The following TBC1D5 variants were observed in gnomAD, a reference collection of about 807,000 sequenced individuals.
The protein encoded by TBC1D5 is TBC1 domain family, member 5.
Under a neutral mutation model 100.3 loss-of-function variants are expected in TBC1D5, and 75 were observed. That is an observed-to-expected ratio of 0.75 (90% CI 0.62 to 0.91). TBC1D5 has a LOEUF of 0.91. Among genes scored for constraint, TBC1D5 ranks in the 40% least tolerant of loss-of-function variants. TBC1D5 has a pLI of 0.00. For missense variants in TBC1D5, 910 were observed against 942.4 expected (o/e 0.97, Z 0.45); for synonymous variants, 323 against 325.6 (o/e 0.99, Z 0.09).
intron 13 of TBC1D5, among the ~76,000 whole-genome samples, chr3:17,354,476 T>C (rs2090999498): frequency 6.6e-6 from 1 of 152,084 alleles, no homozygotes. Context: ...CAAATAAAGA[T>C]GTCAGCTATT....
chr3:17,337,937 C>T (rs2151321463), intron 13 of TBC1D5, among the ~76,000 whole-genome samples: 1 of 152,242 alleles, frequency 6.6e-6, no homozygotes, highest in East Asian at 1.9e-4. Flanking sequence ...ATTAAGCTGA[C>T]TAAATGAAAT....
At chr3:17,446,027 T>C (rs911142399) in intron 3 of TBC1D5, among the ~76,000 whole-genome samples, 2 of 152,170 alleles carry the variant, frequency 1.3e-5, no homozygotes, top group Non-Finnish European at 2.9e-5. Context: ...GTCATTGTAT[T>C]TTGGGTCTTA....
intron 13 of TBC1D5, among the ~76,000 whole-genome samples, chr3:17,351,347 T>G (rs918960026): frequency 6.6e-6 from 1 of 152,112 alleles, no homozygotes; most frequent in Admixed American, 6.6e-5. Flanking sequence ...CCTTCAATGT[T>G]AGACTGGATA....
chr3:17,547,684 T>C (rs2096432068), intron 2 of TBC1D5, among the ~76,000 whole-genome samples: 1 of 152,196 alleles, frequency 6.6e-6, no homozygotes, highest in Non-Finnish European at 1.5e-5. Flanking sequence ...AATGGTAGCA[T>C]GATGTGATGA....
At position 17,601,327 on chromosome 3, in the gene TBC1D5, A is replaced by C. The variant is rs575704714; in HGVS notation, c.-36+22522T>G. 1.1e-3 allele frequency among the ~76,000 whole-genome samples: 162 copies of C among 152,234 alleles called. 1 individual carries two copies. The highest frequency in any genetic ancestry group is 3.8e-3 in the African/African-American group (157 of 41,548). On this transcript the variant is annotated intron_variant, in intron 2 of 21. Coordinates refer to ENST00000253692, the Ensembl canonical transcript of TBC1D5. ...GGAGTTCATGACCAGCCTGACCAAC[A>C]TGGGGAAACCCCGTCTCTACTAAAA...
upstream of TBC1D5, among the ~76,000 whole-genome samples, chr3:17,741,130 A>G (rs1285314444): frequency 3.3e-5 from 5 of 152,208 alleles, no homozygotes; most frequent in Non-Finnish European, 2.9e-5. Flanking sequence ...TTGCTACTCA[A>G]AGATAGTCCC....
At chr3:17,555,181 A>T (rs1255924981) in intron 2 of TBC1D5, among the ~76,000 whole-genome samples, 1 of 152,068 alleles carries the variant, frequency 6.6e-6, no homozygotes, top group Non-Finnish European at 1.5e-5. Context: ...CAAGTTGACA[A>T]TGAATTTATT....
intron 1 of TBC1D5, among the ~76,000 whole-genome samples, chr3:17,696,816 G>A (rs959132600): frequency 6.6e-6 from 1 of 152,108 alleles, no homozygotes; most frequent in Non-Finnish European, 1.5e-5. Flanking sequence ...AAGAATTTTA[G>A]ACCAATATCT....
chr3:17,304,168 A>G (rs1350786866), intron 14 of TBC1D5, among the ~76,000 whole-genome samples: 2 of 152,118 alleles, frequency 1.3e-5, no homozygotes, highest in African/African-American at 4.8e-5. Flanking sequence ...ACAGGACTCC[A>G]GACCCAGTTC....
intron 19 of TBC1D5, among the ~76,000 whole-genome samples, chr3:17,181,679 T>C (rs2068470153): frequency 6.6e-6 from 1 of 152,184 alleles, no homozygotes; most frequent in African/African-American, 2.4e-5. Context: ...CCAGTGCTAG[T>C]TACATGCACT....
intron 17 of TBC1D5, among the ~76,000 whole-genome samples, chr3:17,227,239 T>C (rs2074987599): frequency 6.6e-6 from 1 of 152,054 alleles, no homozygotes. Context: ...TCGTGGTGGG[T>C]CAGGGAGGGT....
exon 1 of TBC1D5, chr3:17,740,107 G>C (rs1297335690): frequency 6.6e-6 from 1 of 151,080 alleles, no homozygotes; most frequent in Non-Finnish European, 1.5e-5. Context: ...TTGAGGTCAG[G>C]AGGTCGATAC....
chr3:17,490,929 T>C (rs1018202135), intron 3 of TBC1D5, among the ~76,000 whole-genome samples: 1 of 152,248 alleles, frequency 6.6e-6, no homozygotes, highest in Middle Eastern at 3.2e-3. Flanking sequence ...TATTGTTTCT[T>C]CCTATCCATG....
At chr3:17,526,081 T>A (rs1230318057) in intron 2 of TBC1D5, among the ~76,000 whole-genome samples, 2 of 152,158 alleles carry the variant, frequency 1.3e-5, no homozygotes, top group African/African-American at 4.8e-5. Context: ...ACAGGAGGTT[T>A]CTTTCTTCCA....
At chr3:17,325,323 C>CTTTT (rs35423622) in intron 13 of TBC1D5, among the ~76,000 whole-genome samples, 4 of 124,066 alleles carry the variant, frequency 3.2e-5, no homozygotes, top group Admixed American at 1.7e-4. Context: ...ATGGATGAAT[C>CTTTT]TTTTTTTTTT....
chr3:17,549,334 T>C (rs2096451375), intron 2 of TBC1D5, among the ~76,000 whole-genome samples: 1 of 152,152 alleles, frequency 6.6e-6, no homozygotes, highest in Non-Finnish European at 1.5e-5. Context: ...AAATTATCAA[T>C]TGGCAATTTC....
At chr3:17,398,054 G>T (rs2093554679) in intron 8 of TBC1D5, among the ~76,000 whole-genome samples, 1 of 152,088 alleles carries the variant, frequency 6.6e-6, no homozygotes, top group Non-Finnish European at 1.5e-5. Flanking sequence ...ATCTAATATG[G>T]AAATGATATT....
intron 13 of TBC1D5, among the ~76,000 whole-genome samples, chr3:17,337,919 A>G (rs1490050009): frequency 6.6e-6 from 1 of 152,198 alleles, no homozygotes; most frequent in Non-Finnish European, 1.5e-5. Context: ...ATAAATAATT[A>G]TCAATTAATT....
intron 3 of TBC1D5, among the ~76,000 whole-genome samples, chr3:17,488,965 T>C (rs190609177): frequency 6.6e-6 from 1 of 150,514 alleles, no homozygotes; most frequent in Non-Finnish European, 1.5e-5. Context: ...ATCTAATGCC[T>C]GATGATCTGA....
Sources: allele counts gnomAD v4.1 joint callset (sites outside exome capture counted in the v4.1 genomes callset), GRCh38; gene constraint gnomAD v4.1.1; transcripts MANE v1.5; gene names NCBI Gene and HGNC (gene_info 2026-07-23, HGNC 2026-07-21).